PAQR8: variants seen among roughly 807,000 people sequenced by gnomAD.
PAQR8 encodes progestin and adipoQ receptor family member 8, also known as membrane progestin receptor beta.
In PAQR8, 17 loss-of-function variants were observed where a neutral mutation model predicts 25.2. The observed-to-expected ratio is 0.67, with a 90% confidence interval of 0.46 to 1.01. PAQR8 has a LOEUF of 1.01. Ranked by LOEUF, PAQR8 falls within the 50% of genes least tolerant of loss-of-function variation. The pLI is 0.00. For missense variants in PAQR8, 392 were observed against 448.4 expected, an observed-to-expected ratio of 0.87 and a Z score of 1.14; for synonymous variants, 204 against 190.6, an observed-to-expected ratio of 1.07 and a Z score of -0.58.
chr6:52,364,095 T>TTTTTTTTTTTTTTTTTTTC (rs1763324927), intron 1 of PAQR8, among the ~76,000 whole-genome samples: 1 of 145,614 alleles, frequency 6.9e-6, no homozygotes, highest in Non-Finnish European at 1.5e-5. Context: ...TTTTTTTTTT[T>TTTTTTTTTTTTTTTTTTTC]TTTTTTTTGC....
intron 1 of PAQR8, among the ~76,000 whole-genome samples, chr6:52,376,271 T>C (rs1763484080): frequency 6.6e-6 from 1 of 152,172 alleles, no homozygotes; most frequent in Non-Finnish European, 1.5e-5. Context: ...ACCAAAATCA[T>C]TGTGAGCTGG....
chr6:52,393,960 C>G (rs1245074501), intron 1 of PAQR8, among the ~76,000 whole-genome samples: 3 of 152,128 alleles, frequency 2.0e-5, no homozygotes. Flanking sequence ...CATAGAAGCA[C>G]AAAGTCCTGA....
intron 1 of PAQR8, among the ~76,000 whole-genome samples, chr6:52,368,858 C>T (rs568705089): frequency 2.0e-5 from 3 of 152,114 alleles, no homozygotes; most frequent in South Asian, 2.1e-4. Context: ...GTGTCAAGGG[C>T]GGGACCAGGT....
intron 1 of PAQR8, among the ~76,000 whole-genome samples, chr6:52,389,351 C>T (rs10484876): frequency 0.14 from 20,928 of 152,252 alleles, 1,915 homozygotes; most frequent in Non-Finnish European, 0.2. Context: ...TTTCCTCTGA[C>T]TGTTTGCTGA....
intron 1 of PAQR8, among the ~76,000 whole-genome samples, chr6:52,375,065 A>G (rs111249087): frequency 0.013 from 2,001 of 152,186 alleles, 52 homozygotes; most frequent in African/African-American, 0.046. Flanking sequence ...TATGATCACT[A>G]CTTTTTAAAA....
chr6:52,375,636 C>T (rs1238906892), intron 1 of PAQR8, among the ~76,000 whole-genome samples: 3 of 152,142 alleles, frequency 2.0e-5, no homozygotes, highest in African/African-American at 7.2e-5. Flanking sequence ...CCTCAGCCTC[C>T]CAAGTACTTG....
At chr6:52,393,058 G>C (rs526553) in intron 1 of PAQR8, among the ~76,000 whole-genome samples, 97,203 of 151,992 alleles carry the variant, frequency 0.64, 31,663 homozygotes, top group Admixed American at 0.72. Flanking sequence ...GTCATAGAGG[G>C]CATTTTTTGA....
At position 52,389,858 on chromosome 6, in the gene PAQR8, C is replaced by T. The variant is rs915136665; in HGVS notation, c.-52-13304C>T. Reference sequence around the variant, plus strand: ...CTCTTCACGTTCACCCGGGTTGGCCCGGGTCCCAGCTGGTTTGCAGATCAG... The same window carrying T: ...CTCTTCACGTTCACCCGGGTTGGCCTGGGTCCCAGCTGGTTTGCAGATCAG... On this transcript the variant is annotated intron_variant, in intron 1 of 1. Transcript: ENST00000442253. Among the ~76,000 whole-genome samples the T allele has an allele frequency of 3.9e-5, 6 of 152,288 alleles. No individual in the cohort carries two copies. In the East Asian group the frequency reaches 7.7e-4, roughly 20 times the overall value.
chr6:52,404,045 G>C lies in PAQR8; in HGVS notation c.832G>C (p.Val278Leu). ...EKYFPGSCDI[V>L]GHGHQIFHAF... ...GTACTTCCCGGGTTCCTGTGACATCGTGGGCCATGGGCATCAGATCTTCCA... is the reference window on the plus strand; with the variant it reads ...GTACTTCCCGGGTTCCTGTGACATCCTGGGCCATGGGCATCAGATCTTCCA... The change falls in exon 2 of 2, where the codon GTG (valine) becomes CTG (leucine). Residue 278 changes from valine (V) to leucine (L), a missense_variant. Physicochemically the swap from Val to Leu is conservative, Grantham distance 32 (BLOSUM62 1). Coordinates refer to ENST00000442253, the MANE Select transcript of PAQR8 (RefSeq NM_133367.5). 6.2e-7 allele frequency: 1 copy of C among 1,614,164 alleles called. No homozygotes were observed. Among genetic ancestry groups the C allele is most frequent in the Non-Finnish European group, 8.5e-7 (1 of 1,180,032 alleles).
chr6:52,401,651 C>A (rs1466221764), intron 1 of PAQR8, among the ~76,000 whole-genome samples: 1 of 152,114 alleles, frequency 6.6e-6, no homozygotes. Flanking sequence ...ATTTAGGTCA[C>A]ATGTTAATTT....
intron 1 of PAQR8, among the ~76,000 whole-genome samples, chr6:52,397,198 T>C (rs1763776778): frequency 1.3e-5 from 2 of 152,170 alleles, no homozygotes; most frequent in African/African-American, 4.8e-5. Flanking sequence ...TCTCATTTCC[T>C]CTGTAACATC....
intron 1 of PAQR8, among the ~76,000 whole-genome samples, chr6:52,369,064 CTG>C (rs879311172): frequency 3.9e-5 from 6 of 152,138 alleles, no homozygotes; most frequent in Non-Finnish European, 5.9e-5. Context: ...GGCAAATAAA[CTG>C]TTCATATTTT....
intron 1 of PAQR8, among the ~76,000 whole-genome samples, chr6:52,392,978 T>G (rs1319498342): frequency 6.6e-6 from 1 of 152,222 alleles, no homozygotes; most frequent in Non-Finnish European, 1.5e-5. Context: ...GCAAGTTATT[T>G]TTGTTAATGA....
At chr6:52,384,016 T>TG (rs1277173879) in intron 1 of PAQR8, among the ~76,000 whole-genome samples, 2 of 151,912 alleles carry the variant, frequency 1.3e-5, no homozygotes, top group African/African-American at 2.4e-5. Context: ...GCAGGGGAAG[T>TG]GAAAAAAAGG....
chr6:52,374,793 CT>C (rs1301608336), intron 1 of PAQR8, among the ~76,000 whole-genome samples: 2 of 151,960 alleles, frequency 1.3e-5, no homozygotes, highest in African/African-American at 4.8e-5. Context: ...CTTCCTAGCT[CT>C]TTTTTTAACC....
In PAQR8 at chr6:52,404,995, T is replaced by C. The variant is rs1471764221; in HGVS notation, c.*717T>C. The C allele has an allele frequency of 6.0e-6, 1 of 167,112 alleles. No individual in the cohort carries two copies. Among genetic ancestry groups the C allele is most frequent in the Middle Eastern group, 3.1e-3 (1 of 320 alleles). 10.4% of individuals were successfully genotyped at this position (167,112 alleles called of 1,614,324 possible). ...ATGTGGACATTCAGGAAGCTTATTC[T>C]CATATAATACTAATCTAAACAGTAC... On this transcript the variant is annotated 3_prime_UTR_variant, in exon 2 of 2. Coordinates refer to ENST00000442253, the MANE Select transcript of PAQR8 (RefSeq NM_133367.5).
At chr6:52,395,437 C>T (rs1763757010) in intron 1 of PAQR8, among the ~76,000 whole-genome samples, 1 of 151,870 alleles carries the variant, frequency 6.6e-6, no homozygotes, top group Non-Finnish European at 1.5e-5. Flanking sequence ...ATTAAAAATC[C>T]TTAAAGGAGA....
At chr6:52,392,596 T>A (rs1382222285) in intron 1 of PAQR8, among the ~76,000 whole-genome samples, 1 of 152,210 alleles carries the variant, frequency 6.6e-6, no homozygotes, top group Non-Finnish European at 1.5e-5. Context: ...CCCCACTTTG[T>A]TAATTTGGGA....
chr6:52,379,637 T>C (rs1209255813), intron 1 of PAQR8, among the ~76,000 whole-genome samples: 3 of 143,118 alleles, frequency 2.1e-5, no homozygotes, highest in East Asian at 2.0e-4. Flanking sequence ...TTTTTTTTTT[T>C]TTTTTTTGAG....
Sources: gnomAD v4.1 joint callset for allele counts (sites outside exome capture counted in the v4.1 genomes callset) on GRCh38, gnomAD v4.1.1 for gene constraint, MANE v1.5 for transcripts, NCBI Gene and HGNC (gene_info 2026-07-23, HGNC 2026-07-21) for gene names.